The following HTT variants were observed in gnomAD, a reference collection of about 807,000 sequenced individuals.
HTT encodes the protein huntingtin.
In HTT, 104 loss-of-function variants were observed where a neutral mutation model predicts 362.3. The observed-to-expected ratio is 0.29, with a 90% CI of 0.24 to 0.34. HTT has a LOEUF of 0.34. HTT is among the 10% of genes least tolerant of loss of function. HTT has a pLI of 1.00. For missense variants in HTT, 3,301 were observed against 3,928.6 expected, an observed-to-expected ratio of 0.84 and a Z score of 4.27; for synonymous variants, 1,577 against 1,548.7, an observed-to-expected ratio of 1.02 and a Z score of -0.43.
At chr4:3,160,538 C>G (rs975230397) in intron 29 of HTT, 146 bp downstream of exon 29, 3 of 644,478 alleles carry the variant, frequency 4.7e-6, no homozygotes, top group Admixed American at 2.5e-5. Context: ...TCACAGGACC[C>G]AAGTCTGACT....
chr4:3,083,423 A>G (rs1433490998), intron 1 of HTT, among the ~76,000 whole-genome samples: 2 of 151,824 alleles, frequency 1.3e-5, no homozygotes, highest in African/African-American at 4.8e-5. Context: ...CAGGAGGCTG[A>G]GGAGGCTGGA....
rs1718846319 is a variant in HTT at position 3,187,976 on chromosome 4, G to T, written c.5225+90G>T. ...GTCAGTAAGTCTGGAATAATACCTG[G>T]TCTTGCTTCACTTCTGAGTTGGGTA... is the stretch of plus-strand genomic sequence containing the variant. On this transcript the variant is annotated intron_variant, in intron 39 of 66. Transcript: ENST00000355072. 24 of 731,686 alleles carry T rather than the reference G, an allele frequency of 3.3e-5. No homozygotes were observed. In the South Asian group the frequency reaches 4.1e-4, roughly 12 times the overall value. 45.3% of individuals were successfully genotyped at this position (731,686 alleles called of 1,614,324 possible).
chr4:3,119,296 G>T (rs1715181790), intron 8 of HTT, among the ~76,000 whole-genome samples: 2 of 152,204 alleles, frequency 1.3e-5, no homozygotes, highest in South Asian at 4.1e-4. Context: ...CCATAGGAGG[G>T]TCAGCAAGAT....
In HTT at chr4:3,136,473, G is replaced by GAA. The variant is rs369081036; in HGVS notation, c.2798+155_2798+156dup. On this transcript the variant is annotated intron_variant, in intron 21 of 66. Transcript: ENST00000355072. ...AGCCATTCTATTCTTAAACTATAAT[G>GAA]AAAAAAAAATCCAAAAAAGTCTAAA... 193 of 414,364 alleles carry GAA rather than the reference G, an allele frequency of 4.7e-4. 1 individual carries two copies. The highest frequency in any genetic ancestry group is 1.3e-3 in the Middle Eastern group (2 of 1,588). 25.7% of individuals were successfully genotyped at this position (414,364 alleles called of 1,614,324 possible). A position where few individuals can be genotyped will look rare whatever the true frequency, so the allele number is the denominator to read the frequency against.
At chr4:3,092,279 C>G (rs1238183582) in intron 2 of HTT, among the ~76,000 whole-genome samples, 2 of 152,180 alleles carry the variant, frequency 1.3e-5, no homozygotes, top group African/African-American at 4.8e-5. Context: ...CCCTCGGCCT[C>G]CCAGTGTTGG....
chr4:3,134,642 G>A, intron 19 of HTT, 102 bp downstream of exon 19: 1 of 1,081,818 alleles, frequency 9.2e-7, no homozygotes, highest in African/African-American at 1.6e-5. Context: ...CTGTCCATCA[G>A]AAATCCGAGT....
In HTT at chr4:3,188,816, C is replaced by T. The variant is rs1341398547; in HGVS notation, c.5226-135C>T. ...CTGTGTCCACGGCGACGGCGCTCTG[C>T]ATTTCACTTTAGCGGTTAATGTACT... On this transcript the variant is annotated intron_variant, in intron 39 of 66. Transcript: ENST00000355072. The T allele has an allele frequency of 4.7e-5, 38 of 807,396 alleles. No homozygotes were observed. The South Asian group carries it at 5.2e-4, about 11-fold the overall frequency. The allele number at this position is 807,396 out of a possible 1,614,324, so 50.0% of individuals were successfully genotyped here.
In HTT at chr4:3,206,545, A is replaced by G; in HGVS notation, c.5768A>G (p.His1923Arg). The G allele has an allele frequency of 6.2e-7, 1 of 1,614,086 alleles. No homozygotes were observed. The highest frequency in any genetic ancestry group is 8.5e-7 in the Non-Finnish European group (1 of 1,180,002). ...SEHLTWLIVNHIQDLISLSHE... is the reference protein window; with the variant it reads ...SEHLTWLIVNRIQDLISLSHE... Reference sequence around the variant, plus strand: ...CACTTAACGTGGCTCATTGTAAATCACATTCAAGATCTGATCAGCCTTTCC... The same window carrying G: ...CACTTAACGTGGCTCATTGTAAATCGCATTCAAGATCTGATCAGCCTTTCC... The change falls in exon 43 of 67, where the codon CAC becomes CGC. Residue 1923 changes from histidine to arginine, a missense_variant. His to Arg is a conservative substitution (Grantham distance 29). Transcript: ENST00000355072. This position sits in a 1 kb window ranked among gnomAD's most constrained non-coding sequence, Gnocchi z 4.6.
At chr4:3,162,303 C>T (rs1717484484) in intron 29 of HTT, among the ~76,000 whole-genome samples, 1 of 152,166 alleles carries the variant, frequency 6.6e-6, no homozygotes, top group Admixed American at 6.5e-5. Flanking sequence ...GGTACCAGTA[C>T]CATGCAGTTT....
chr4:3,078,460 T>G (rs1395980135), intron 1 of HTT, among the ~76,000 whole-genome samples: 1 of 152,210 alleles, frequency 6.6e-6, no homozygotes, highest in Non-Finnish European at 1.5e-5. Flanking sequence ...GTTAACTTAT[T>G]TTTATTTTTA....
intron 35 of HTT, 53 bp downstream of exon 35, chr4:3,178,499 G>A (rs1236447587): frequency 6.4e-7 from 1 of 1,566,418 alleles, no homozygotes; most frequent in Non-Finnish European, 8.7e-7. Context: ...GTGCTTGGCA[G>A]TGTTCGTTTT....
chr4:3,074,756 C>A lies in HTT; in HGVS notation c.-70C>A, dbSNP rs1463437966. On this transcript the variant is annotated 5_prime_UTR_variant, in exon 1 of 67. Coordinates refer to ENST00000355072, the MANE Select transcript of HTT (RefSeq NM_001388492.1). ...TGCGGCCCAGAGCCCCATTCATTGC[C>A]CCGGTGCTGAGCGGCGCCGCGAGTC... The A allele has an allele frequency of 4.8e-6, 7 of 1,468,566 alleles. No homozygotes were observed. Among genetic ancestry groups the A allele is most frequent in the South Asian group, 1.2e-5 (1 of 80,106 alleles). The allele number at this position is 1,468,566 out of a possible 1,614,324, so 91.0% of individuals were successfully genotyped here. A position where few individuals can be genotyped will look rare whatever the true frequency, so the allele number is the denominator to read the frequency against.
At chr4:3,145,266 C>A in intron 24 of HTT, 38 bp downstream of exon 24, 2 of 1,308,650 alleles carry the variant, frequency 1.5e-6, no homozygotes, top group Non-Finnish European at 2.2e-6. Context: ...TAGTTGTCTA[C>A]AACAGTATGA....
Position 3,074,960 on chromosome 4 carries a change from G to GCCA in HTT, c.137_138insACC (p.Pro49dup). On this transcript the variant is annotated inframe_insertion, in exon 1 of 67. Transcript: ENST00000355072. ...AACAGCCGCCACCGCCGCCGCCGCC[G>GCCA]CCGCCGCCTCCTCAGCTTCCTCAGC... is the stretch of plus-strand genomic sequence containing the variant. 6.7e-7 allele frequency: 1 copy of GCCA among 1,492,812 alleles called. No individual in the cohort carries two copies. The allele number at this position is 1,492,812 out of a possible 1,614,324, so 92.5% of individuals were successfully genotyped here.
chr4:3,080,391 G>A (rs549042260), intron 1 of HTT, among the ~76,000 whole-genome samples: 5 of 146,828 alleles, frequency 3.4e-5, no homozygotes, highest in East Asian at 2.1e-4. Flanking sequence ...CACTGCACCC[G>A]GTCAGAACCC....
chr4:3,229,025 C>T lies in HTT; in HGVS notation c.8109+16C>T, dbSNP rs778624194. On this transcript the variant is annotated intron_variant, in intron 59 of 66. Coordinates refer to ENST00000355072, the MANE Select transcript of HTT (RefSeq NM_001388492.1). Reference sequence around the variant, plus strand: ...GGTCAGATCCGTAAGTGAGCCTTCCCATTCCCCTCACACCTGCACGTGCCA... The same window carrying T: ...GGTCAGATCCGTAAGTGAGCCTTCCTATTCCCCTCACACCTGCACGTGCCA... 6.2e-7 allele frequency: 1 copy of T among 1,608,000 alleles called. No homozygotes were observed. The highest frequency in any genetic ancestry group is 8.5e-7 in the Non-Finnish European group (1 of 1,175,164).
intron 2 of HTT, among the ~76,000 whole-genome samples, chr4:3,090,580 C>T (rs1048812338): frequency 6.6e-6 from 1 of 152,154 alleles, no homozygotes; most frequent in African/African-American, 2.4e-5. Flanking sequence ...TTCACAGTAG[C>T]ACCAATATAT....
chr4:3,223,090 A>G (rs1448230028), intron 54 of HTT, among the ~76,000 whole-genome samples: 2 of 152,212 alleles, frequency 1.3e-5, no homozygotes, highest in Non-Finnish European at 1.5e-5. Flanking sequence ...AGAAGCTAAC[A>G]GGGTGTCATA....
At position 3,188,939 on chromosome 4, in the gene HTT, G is replaced by A. The variant is rs762787223; in HGVS notation, c.5226-12G>A. The A allele has an allele frequency of 1.2e-6, 2 of 1,609,096 alleles. No homozygotes were observed. Among genetic ancestry groups the A allele is most frequent in the Admixed American group, 1.7e-5 (1 of 58,674 alleles). On this transcript the variant is annotated splice_polypyrimidine_tract_variant and intron_variant, in intron 39 of 66. Coordinates refer to ENST00000355072, the MANE Select transcript of HTT (RefSeq NM_001388492.1). ...CACCTAATTCACTGTCATCTTTTTT[G>A]TTTCTTGGAAGGTTTCTATTACAAC...
Sources: allele counts gnomAD v4.1 joint callset (sites outside exome capture counted in the v4.1 genomes callset), GRCh38; gene constraint gnomAD v4.1.1; non-coding constraint Gnocchi (gnomAD v3.1); transcripts MANE v1.5; gene names NCBI Gene and HGNC (gene_info 2026-07-23, HGNC 2026-07-21).